PCBP3: variants seen among roughly 807,000 people sequenced by gnomAD.
The protein encoded by PCBP3 is poly(rC) binding protein 3, also known as poly(rC)-binding protein 3.
Under a neutral mutation model 52.7 loss-of-function variants are expected in PCBP3, and 25 were observed. That is an observed-to-expected ratio of 0.47 (90% CI 0.35 to 0.66). The LOEUF (loss-of-function observed/expected upper bound fraction) is 0.66, where lower values mean the gene tolerates loss of function less well. PCBP3 is among the 30% of genes least tolerant of loss of function. The pLI is 0.01. For synonymous variants in PCBP3, 162 were observed against 183.0 expected (o/e 0.89, Z 0.93); for missense variants, 391 against 490.3 (o/e 0.80, Z 1.91).
chr21:45,789,956 G>C (rs531985927), intron 4 of PCBP3, among the ~76,000 whole-genome samples: 1 of 152,094 alleles, frequency 6.6e-6, no homozygotes, highest in Non-Finnish European at 1.5e-5. Context: ...TGGCTGACAC[G>C]GTGAAACCCC....
intron 5 of PCBP3, among the ~76,000 whole-genome samples, chr21:45,851,774 A>AG (rs754763937): frequency 4.6e-5 from 7 of 152,218 alleles, no homozygotes; most frequent in Admixed American, 1.3e-4. Flanking sequence ...AATAGACTTG[A>AG]GAAGAAATAG....
intron 4 of PCBP3, among the ~76,000 whole-genome samples, chr21:45,847,151 G>T (rs1233599636): frequency 6.6e-6 from 1 of 151,544 alleles, no homozygotes; most frequent in African/African-American, 2.4e-5. Flanking sequence ...GTTTTGTTCT[G>T]CTGGCTACTG....
At position 45,940,010 on chromosome 21, in the gene PCBP3, C is replaced by A. The variant is rs145149906; in HGVS notation, c.910-20C>A. ...TGGCTTGGGCTGTTCTCTAAGAAATCCCCCCGTCCTTGTTTCTAGCTAATA... is the reference window on the plus strand; with the variant it reads ...TGGCTTGGGCTGTTCTCTAAGAAATACCCCCGTCCTTGTTTCTAGCTAATA... On this transcript the variant is annotated intron_variant, in intron 16 of 17. Transcript: ENST00000681687. 3.3e-4 allele frequency: 527 copies of A among 1,606,968 alleles called. 6 individuals carry two copies. The African/African-American group carries it at 5.7e-3, about 17-fold the overall frequency.
chr21:45,800,881 A>G lies in PCBP3; in HGVS notation c.-126+45429A>G, dbSNP rs949608306. ...GCATGGGGTTCCCGCCTCCTCCTCC[A>G]AGTGACTTTCCTTCTGCTCCCAGCC... On this transcript the variant is annotated intron_variant, in intron 4 of 17. Coordinates refer to ENST00000681687, the MANE Select transcript of PCBP3 (RefSeq NM_001384156.1). This position sits in a 1 kb window ranked among gnomAD's most constrained non-coding sequence, Gnocchi z 5.3. Among the ~76,000 whole-genome samples the G allele has an allele frequency of 6.8e-6, 1 of 147,402 alleles. No individual in the cohort carries two copies. Among genetic ancestry groups the G allele is most frequent in the African/African-American group, 2.7e-5 (1 of 37,682 alleles).
intron 5 of PCBP3, chr21:45,869,112 TCTCCAATGCAGACACTAAAA>T (rs1287390389): frequency 3.6e-4 from 55 of 152,294 alleles, no homozygotes; most frequent in African/African-American, 1.3e-3. Context: ...TCTGTAACTT[TCTCCAATGCAGACACTAAAA>T]TGCAATAAAA....
At chr21:45,722,962 T>C (rs2084768768) in intron 2 of PCBP3, among the ~76,000 whole-genome samples, 1 of 151,116 alleles carries the variant, frequency 6.6e-6, no homozygotes, top group African/African-American at 2.4e-5. Flanking sequence ...TGCAGTGAGC[T>C]GATAGCGCAC....
intron 4 of PCBP3, among the ~76,000 whole-genome samples, chr21:45,757,244 G>A (rs1360811465): frequency 1.3e-5 from 2 of 152,184 alleles, no homozygotes; most frequent in African/African-American, 2.4e-5. Context: ...GTAGTATCGT[G>A]CTGTGGTATT....
intron 4 of PCBP3, among the ~76,000 whole-genome samples, chr21:45,840,381 C>T (rs1211493837): frequency 7.4e-5 from 11 of 148,322 alleles, no homozygotes; most frequent in South Asian, 4.3e-4. Flanking sequence ...GGTGTGAACC[C>T]GGGAGGCGGA....
rs2093931822 is a variant in PCBP3 at position 45,850,018 on chromosome 21, A to T, written c.-68A>T. ...CTGTAAATCACCTGCTGTGGTTATG[A>T]TGCTCTGAGTTCAATACGTCTGAAC... On this transcript the variant is annotated 5_prime_UTR_variant, in exon 5 of 18. An upstream start codon of the reference 5' UTR is lost. Transcript: ENST00000681687. 1 of 1,412,650 alleles carries T rather than the reference A, an allele frequency of 7.1e-7. No homozygotes were observed. The highest frequency in any genetic ancestry group is 2.5e-5 in the East Asian group (1 of 40,242). 87.5% of individuals were successfully genotyped at this position (1,412,650 alleles called of 1,614,324 possible). A position where few individuals can be genotyped will look rare whatever the true frequency, so the allele number is the denominator to read the frequency against.
chr21:45,677,918 C>T (rs1399127545), intron 2 of PCBP3, among the ~76,000 whole-genome samples: 1 of 152,168 alleles, frequency 6.6e-6, no homozygotes, highest in Non-Finnish European at 1.5e-5. Context: ...ACAATGCACC[C>T]GGTCACCCAA....
At chr21:45,797,991 G>A (rs530595744) in intron 4 of PCBP3, among the ~76,000 whole-genome samples, 4 of 133,608 alleles carry the variant, frequency 3.0e-5, no homozygotes, top group Admixed American at 1.6e-4. Context: ...ATGGATGAAC[G>A]CATGGATCTG....
intron 2 of PCBP3, among the ~76,000 whole-genome samples, chr21:45,674,774 G>A (rs535753687): frequency 1.2e-3 from 177 of 152,254 alleles, no homozygotes; most frequent in South Asian, 2.3e-3. Flanking sequence ...GCTTTTATAT[G>A]AGGGCACTGG....
At chr21:45,933,928 AG>A (rs766383125) in intron 15 of PCBP3, among the ~76,000 whole-genome samples, 7 of 151,970 alleles carry the variant, frequency 4.6e-5, no homozygotes, top group Non-Finnish European at 7.4e-5. Context: ...GGTGGTGGGG[AG>A]GAACAGGAGC....
chr21:45,770,251 T>C (rs2089752258), intron 4 of PCBP3, among the ~76,000 whole-genome samples: 1 of 152,268 alleles, frequency 6.6e-6, no homozygotes, highest in South Asian at 2.1e-4. Context: ...TTTCTTCTCA[T>C]GATTACAGTT....
intron 2 of PCBP3, among the ~76,000 whole-genome samples, chr21:45,687,039 A>T (rs1168035976): frequency 6.6e-6 from 1 of 152,200 alleles, no homozygotes; most frequent in East Asian, 1.9e-4. Context: ...GAAGATGCTT[A>T]ATAAAACTCA....
At chr21:45,848,264 G>T (rs1048115250) in intron 4 of PCBP3, 2 of 152,196 alleles carry the variant, frequency 1.3e-5, no homozygotes, top group African/African-American at 4.8e-5. Flanking sequence ...GTTACTTGGC[G>T]AATATTCTAT....
chr21:45,714,859 G>A (rs1236077264), intron 2 of PCBP3, among the ~76,000 whole-genome samples: 1 of 152,154 alleles, frequency 6.6e-6, no homozygotes, highest in Non-Finnish European at 1.5e-5. Context: ...TTGAAAATGT[G>A]CACATAATAT....
intron 4 of PCBP3, chr21:45,831,298 A>T (rs900470814): frequency 2.6e-5 from 4 of 151,710 alleles, no homozygotes; most frequent in African/African-American, 7.3e-5. Context: ...AATCCAGACT[A>T]CCTAGCAGGC....
At chr21:45,697,825 T>G (rs1345212870) in intron 2 of PCBP3, among the ~76,000 whole-genome samples, 1 of 152,024 alleles carries the variant, frequency 6.6e-6, no homozygotes, top group African/African-American at 2.4e-5. Flanking sequence ...AGACAGAACA[T>G]GTAGCCATGG....
Sources: allele counts gnomAD v4.1 joint callset (sites outside exome capture counted in the v4.1 genomes callset), GRCh38; gene constraint gnomAD v4.1.1; non-coding constraint Gnocchi (gnomAD v3.1); transcripts MANE v1.5; gene names NCBI Gene and HGNC (gene_info 2026-07-23, HGNC 2026-07-21).